The following ANKS1B variants were observed in gnomAD, a reference collection of about 807,000 sequenced individuals.
ANKS1B encodes ankyrin repeat and sterile alpha motif domain containing 1B.
ANKS1B carries 36 observed loss-of-function variants against 148.3 expected under a neutral mutation model. The ratio of observed to expected loss-of-function variants is 0.24; its 90% CI spans 0.19 to 0.32. The LOEUF is 0.32. Ranked by LOEUF, ANKS1B falls within the 10% of genes least tolerant of loss-of-function variation. ANKS1B has a pLI of 1.00. For missense variants in ANKS1B, 1,157 were observed against 1,542.6 expected (o/e 0.75, Z 4.19); for synonymous variants, 542 against 560.8 (o/e 0.97, Z 0.47).
chr12:98,805,379 C>A (rs2099042979), intron 20 of ANKS1B, among the ~76,000 whole-genome samples: 1 of 151,546 alleles, frequency 6.6e-6, no homozygotes, highest in African/African-American at 2.4e-5. Flanking sequence ...CTCTCTTCTT[C>A]AAACTCAAAT....
chr12:99,719,331 G>A (rs550165631), intron 8 of ANKS1B, among the ~76,000 whole-genome samples: 1 of 152,060 alleles, frequency 6.6e-6, no homozygotes, highest in African/African-American at 2.4e-5. Flanking sequence ...AATTACCATT[G>A]TTCCTGGCCC....
At chr12:99,837,299 G>A (rs1267967863) in intron 1 of ANKS1B, among the ~76,000 whole-genome samples, 1 of 152,114 alleles carries the variant, frequency 6.6e-6, no homozygotes, top group Non-Finnish European at 1.5e-5. Flanking sequence ...GAGAACCACA[G>A]ACCTCCAGGA....
intron 14 of ANKS1B, among the ~76,000 whole-genome samples, chr12:99,202,304 C>T (rs1315471495): frequency 6.6e-6 from 1 of 152,216 alleles, no homozygotes; most frequent in Admixed American, 6.5e-5. Context: ...CCGCAGCCCC[C>T]TTCTACTCAT....
At chr12:99,850,907 T>A (rs2087717771) in intron 1 of ANKS1B, among the ~76,000 whole-genome samples, 1 of 152,126 alleles carries the variant, frequency 6.6e-6, no homozygotes, top group African/African-American at 2.4e-5. Flanking sequence ...AGAATTCATA[T>A]CATGAAAATG....
intron 8 of ANKS1B, among the ~76,000 whole-genome samples, chr12:99,761,881 A>G (rs2062156776): frequency 6.6e-6 from 1 of 152,088 alleles, no homozygotes; most frequent in East Asian, 1.9e-4. Context: ...GAAGATCATT[A>G]TAATTTCTAT....
chr12:99,202,634 C>T (rs894689386), intron 14 of ANKS1B, among the ~76,000 whole-genome samples: 18 of 152,348 alleles, frequency 1.2e-4, no homozygotes, highest in East Asian at 5.8e-4. Flanking sequence ...CTACAGACAG[C>T]TCTTATGCCA....
chr12:99,030,422 C>T (rs1320175164), intron 17 of ANKS1B, among the ~76,000 whole-genome samples: 1 of 152,130 alleles, frequency 6.6e-6, no homozygotes, highest in African/African-American at 2.4e-5. Flanking sequence ...CTATCTACCC[C>T]ATTGCCTTCT....
chr12:99,071,599 G>C (rs1007682393), intron 16 of ANKS1B, among the ~76,000 whole-genome samples: 1 of 151,838 alleles, frequency 6.6e-6, no homozygotes, highest in African/African-American at 2.4e-5. Flanking sequence ...AAGAGATGCA[G>C]ACAGGAAGAT....
intron 17 of ANKS1B, among the ~76,000 whole-genome samples, chr12:99,042,000 G>A (rs1426013099): frequency 2.0e-5 from 3 of 151,654 alleles, no homozygotes; most frequent in Non-Finnish European, 2.9e-5. Flanking sequence ...ACCCTGTCTC[G>A]AAACAACAAC....
intron 1 of ANKS1B, among the ~76,000 whole-genome samples, chr12:99,950,694 C>A (rs752996416): frequency 6.6e-6 from 1 of 152,196 alleles, no homozygotes; most frequent in Non-Finnish European, 1.5e-5. Context: ...TTCAAACACA[C>A]CAAATACTTC....
At chr12:99,317,317 A>ATTTC (rs1307883745) in intron 12 of ANKS1B, among the ~76,000 whole-genome samples, 1 of 147,966 alleles carries the variant, frequency 6.8e-6, no homozygotes, top group Non-Finnish European at 1.5e-5. Flanking sequence ...ATGTTCTTCC[A>ATTTC]TTTGTATCCT....
At chr12:99,581,154 A>G (rs563852758) in intron 9 of ANKS1B, among the ~76,000 whole-genome samples, 34 of 152,346 alleles carry the variant, frequency 2.2e-4, no homozygotes, top group African/African-American at 7.9e-4. Context: ...TGATTTCAAG[A>G]CTTAATACAA....
chr12:99,372,593 T>C (rs1400163158), intron 12 of ANKS1B, among the ~76,000 whole-genome samples: 1 of 152,172 alleles, frequency 6.6e-6, no homozygotes, highest in Non-Finnish European at 1.5e-5. Flanking sequence ...TAAACAAGAC[T>C]GTTAAATAGG....
chr12:98,763,705 T>A (rs1431120372), intron 25 of ANKS1B, among the ~76,000 whole-genome samples: 1 of 152,274 alleles, frequency 6.6e-6, no homozygotes, highest in Non-Finnish European at 1.5e-5. Context: ...AATATGAATT[T>A]AAAAACTAGA....
chr12:99,145,058 G>A (rs956239959), intron 15 of ANKS1B, among the ~76,000 whole-genome samples: 1 of 152,054 alleles, frequency 6.6e-6, no homozygotes, highest in Admixed American at 6.6e-5. Flanking sequence ...ACTGTTATTT[G>A]TTTCAGGGGA....
intron 14 of ANKS1B, among the ~76,000 whole-genome samples, chr12:99,217,563 A>T (rs778841494): frequency 4.6e-5 from 7 of 152,030 alleles, no homozygotes; most frequent in Non-Finnish European, 1.0e-4. Flanking sequence ...TTCCTTGCCT[A>T]TGTGATCTTT....
At chr12:99,418,142 C>G (rs1250517632) in intron 11 of ANKS1B, among the ~76,000 whole-genome samples, 1 of 152,156 alleles carries the variant, frequency 6.6e-6, no homozygotes, top group Admixed American at 6.5e-5. Context: ...AAAAGCACAA[C>G]ACTCAATGGT....
chr12:99,190,332 A>G (rs980370938), intron 14 of ANKS1B, among the ~76,000 whole-genome samples: 2 of 152,204 alleles, frequency 1.3e-5, no homozygotes, highest in African/African-American at 4.8e-5. Flanking sequence ...CAGAATTAGA[A>G]AAAACAGTGC....
intron 20 of ANKS1B, among the ~76,000 whole-genome samples, chr12:98,802,201 G>C (rs1048400157): frequency 6.6e-6 from 1 of 152,208 alleles, no homozygotes; most frequent in African/African-American, 2.4e-5. Flanking sequence ...AGTTGGAAGA[G>C]TGTAAAAAGG....
Sources: gnomAD v4.1 joint callset for allele counts (sites outside exome capture counted in the v4.1 genomes callset) on GRCh38, gnomAD v4.1.1 for gene constraint, MANE v1.5 for transcripts, NCBI Gene and HGNC (gene_info 2026-07-23, HGNC 2026-07-21) for gene names.